PTPRK: variants seen among roughly 807,000 people sequenced by gnomAD.
PTPRK encodes the protein receptor-type tyrosine-protein phosphatase kappa.
A neutral mutation model predicts 178.0 loss-of-function variants in PTPRK; 75 were observed. The ratio of observed to expected loss-of-function variants is 0.42; its 90% CI spans 0.35 to 0.51. The LOEUF is 0.51. PTPRK is among the 20% of genes least tolerant of loss of function. The pLI is 0.02. For missense variants in PTPRK, 1,441 were observed against 1,797.8 expected, an observed-to-expected ratio of 0.80 and a Z score of 3.59; for synonymous variants, 637 against 620.6, an observed-to-expected ratio of 1.03 and a Z score of -0.39.
At chr6:128,300,912 C>G (rs758201627) in intron 3 of PTPRK, among the ~76,000 whole-genome samples, 6 of 152,024 alleles carry the variant, frequency 3.9e-5, no homozygotes, top group African/African-American at 1.4e-4. Flanking sequence ...TCCCAGATTT[C>G]AACATACACA....
chr6:128,278,188 G>A (rs533749343), intron 3 of PTPRK, among the ~76,000 whole-genome samples: 25 of 150,674 alleles, frequency 1.7e-4, no homozygotes, highest in African/African-American at 4.6e-4. Flanking sequence ...ACGGAGTCTC[G>A]CACTGTAGCC....
At chr6:127,993,806 G>T (rs111675501) in intron 18 of PTPRK, among the ~76,000 whole-genome samples, 2,561 of 151,592 alleles carry the variant, frequency 0.017, 69 homozygotes, top group African/African-American at 0.059. Flanking sequence ...GAACTAATGG[G>T]AGAGGGAAAA....
intron 7 of PTPRK, among the ~76,000 whole-genome samples, chr6:128,166,679 C>G (rs1326002361): frequency 2.6e-5 from 4 of 151,802 alleles, no homozygotes; most frequent in Admixed American, 2.6e-4. Context: ...TAACAAAACT[C>G]TATAAACATA....
At chr6:128,250,478 T>C (rs956344602) in intron 3 of PTPRK, among the ~76,000 whole-genome samples, 8 of 152,146 alleles carry the variant, frequency 5.3e-5, no homozygotes, top group Non-Finnish European at 1.0e-4. Flanking sequence ...AGAGTCCCAA[T>C]ATGTCACAGA....
intron 1 of PTPRK, among the ~76,000 whole-genome samples, chr6:128,463,741 G>GTTTTT (rs896710320): frequency 5.2e-5 from 5 of 96,868 alleles, no homozygotes; most frequent in African/African-American, 1.3e-4. Context: ...AATCTTCACG[G>GTTTTT]TTTTTTTTTT....
intron 1 of PTPRK, among the ~76,000 whole-genome samples, chr6:128,457,979 C>T (rs1159418793): frequency 6.6e-5 from 10 of 152,146 alleles, no homozygotes; most frequent in African/African-American, 2.2e-4. Context: ...AACTCCTTAA[C>T]ATTTCCACAT....
intron 6 of PTPRK, among the ~76,000 whole-genome samples, chr6:128,200,779 G>C (rs1805757167): frequency 6.8e-6 from 1 of 147,466 alleles, no homozygotes; most frequent in Non-Finnish European, 1.5e-5. Context: ...TCAATGGAGT[G>C]GTCTGAAAAA....
At position 128,322,267 on chromosome 6, in the gene PTPRK, T is replaced by C; in HGVS notation, c.267A>G (p.Glu89=). ...IVDSSDHDPG[E]KARLQLPTMK... ...TTGTAGGCAGCTGAAGTCTGGCTTTTTCTCCAGGGTCGTGATCTGAAGAGT... is the reference window on the plus strand; with the variant it reads ...TTGTAGGCAGCTGAAGTCTGGCTTTCTCTCCAGGGTCGTGATCTGAAGAGT... Residue 89 remains glutamate (E), a synonymous_variant, in exon 3 of 30, where the codon GAA becomes GAG. Transcript: ENST00000368226. The C allele has an allele frequency of 5.0e-6, 8 of 1,607,674 alleles. No individual in the cohort carries two copies. Among genetic ancestry groups the C allele is most frequent in the Non-Finnish European group, 6.8e-6 (8 of 1,174,174 alleles).
intron 2 of PTPRK, among the ~76,000 whole-genome samples, chr6:128,393,104 T>C (rs1839832311): frequency 6.6e-6 from 1 of 151,202 alleles, no homozygotes; most frequent in Admixed American, 6.6e-5. Context: ...TTTTTTTTTT[T>C]TTTTTAAGAC....
At chr6:128,363,022 A>T (rs182857251) in intron 2 of PTPRK, among the ~76,000 whole-genome samples, 1 of 152,316 alleles carries the variant, frequency 6.6e-6, no homozygotes, top group East Asian at 1.9e-4. Flanking sequence ...ATCACTGGGA[A>T]TTCAGTAATG....
chr6:128,006,414 G>A (rs1484053616), intron 14 of PTPRK, among the ~76,000 whole-genome samples: 2 of 150,896 alleles, frequency 1.3e-5, no homozygotes, highest in Non-Finnish European at 3.0e-5. Flanking sequence ...TGGAACAGCT[G>A]TGCATAGAAC....
chr6:128,150,592 C>T lies in PTPRK; in HGVS notation c.1162+33840G>A, dbSNP rs1029197153. 2.6e-5 allele frequency among the ~76,000 whole-genome samples: 4 copies of T among 152,114 alleles called. No individual in the cohort carries two copies. In the East Asian group the frequency reaches 5.8e-4, roughly 22 times the overall value. On this transcript the variant is annotated intron_variant, in intron 7 of 29. Coordinates refer to ENST00000368226, the MANE Select transcript of PTPRK (RefSeq NM_002844.4). ...TGTCAAGACTTCTCTGCTTCCTTGA[C>T]ACTTTCAAACAGCTGACTGCTATTC...
chr6:128,030,711 C>T (rs1775172544), intron 13 of PTPRK, among the ~76,000 whole-genome samples: 1 of 152,176 alleles, frequency 6.6e-6, no homozygotes, highest in African/African-American at 2.4e-5. Flanking sequence ...CTTTTAAAAA[C>T]AGTTGATTCT....
intron 1 of PTPRK, among the ~76,000 whole-genome samples, chr6:128,477,475 T>C (rs919749776): frequency 6.6e-6 from 1 of 151,912 alleles, no homozygotes; most frequent in African/African-American, 2.4e-5. Flanking sequence ...ACTTAGTAAC[T>C]AGCAGATGTA....
intron 21 of PTPRK, among the ~76,000 whole-genome samples, chr6:127,988,706 T>C (rs961316996): frequency 6.6e-6 from 1 of 152,070 alleles, no homozygotes; most frequent in Non-Finnish European, 1.5e-5. Flanking sequence ...TGTCCCTCTG[T>C]GTTTTCTAAT....
At chr6:128,013,347 C>G (rs183303625) in intron 13 of PTPRK, among the ~76,000 whole-genome samples, 2 of 151,504 alleles carry the variant, frequency 1.3e-5, no homozygotes, top group East Asian at 3.9e-4. Context: ...AGTTACCATC[C>G]TGATAACTGA....
At chr6:128,087,234 C>T (rs1786028848) in intron 8 of PTPRK, among the ~76,000 whole-genome samples, 1 of 151,934 alleles carries the variant, frequency 6.6e-6, no homozygotes, top group Non-Finnish European at 1.5e-5. Context: ...CCAAAAATAC[C>T]ATCAAAATGA....
intron 7 of PTPRK, among the ~76,000 whole-genome samples, chr6:128,170,456 G>A (rs138294976): frequency 3.9e-4 from 59 of 151,974 alleles, no homozygotes; most frequent in African/African-American, 1.4e-3. Context: ...TTATTTGGGG[G>A]GTTAAAGAAA....
intron 3 of PTPRK, among the ~76,000 whole-genome samples, chr6:128,295,028 T>A (rs114476695): frequency 6.6e-6 from 1 of 152,074 alleles, no homozygotes; most frequent in Admixed American, 6.6e-5. Flanking sequence ...TACATAATTG[T>A]ACATGTGATT....
Sources: gnomAD v4.1 joint callset for allele counts (sites outside exome capture counted in the v4.1 genomes callset) on GRCh38, gnomAD v4.1.1 for gene constraint, MANE v1.5 for transcripts, NCBI Gene and HGNC (gene_info 2026-07-23, HGNC 2026-07-21) for gene names.